The following NALF1 variants were observed in gnomAD, a reference collection of about 807,000 sequenced individuals.
The protein encoded by NALF1 is NALCN channel auxiliary factor 1, also known as family with sequence similarity 155 member A.
Under a neutral mutation model 48.4 loss-of-function variants are expected in NALF1, and 3 were observed. That is an observed-to-expected ratio of 0.06 (90% CI 0.03 to 0.16). The LOEUF (loss-of-function observed/expected upper bound fraction) is 0.16, where lower values mean the gene tolerates loss of function less well. Among genes scored for constraint, NALF1 ranks in the 10% least tolerant of loss-of-function variants. The pLI is 1.00. For missense variants in NALF1, 526 were observed against 571.5 expected (o/e 0.92, Z 0.81); for synonymous variants, 262 against 245.7 (o/e 1.07, Z -0.62).
intron 1 of NALF1, among the ~76,000 whole-genome samples, chr13:107,747,813 G>A (rs896090405): frequency 6.6e-6 from 1 of 152,160 alleles, no homozygotes; most frequent in Non-Finnish European, 1.5e-5. Flanking sequence ...AAGACTCCCT[G>A]TGATTGTAAA....
chr13:107,371,340 G>A lies in NALF1; in HGVS notation c.916-160585C>T, dbSNP rs1029581061. ...TGCATGCCTGTAGTCCCAGCTACTC[G>A]GGAGACGGAGGTAGAAGGATCGCTT... On this transcript the variant is annotated intron_variant, in intron 1 of 2. Transcript: ENST00000375915. 2.6e-5 allele frequency among the ~76,000 whole-genome samples: 4 copies of A among 152,110 alleles called. No individual in the cohort carries two copies. The South Asian group carries it at 6.2e-4, about 24-fold the overall frequency.
chr13:107,404,608 A>G (rs978419713), intron 1 of NALF1, among the ~76,000 whole-genome samples: 2 of 152,136 alleles, frequency 1.3e-5, no homozygotes, highest in Admixed American at 6.6e-5. Flanking sequence ...TGAACAATAC[A>G]CAGAGATGTC....
intron 1 of NALF1, among the ~76,000 whole-genome samples, chr13:107,760,742 C>T (rs1472137437): frequency 1.3e-5 from 2 of 152,144 alleles, no homozygotes; most frequent in Admixed American, 6.5e-5. Flanking sequence ...TGTTAGCATT[C>T]GGTAACAGGA....
intron 1 of NALF1, among the ~76,000 whole-genome samples, chr13:107,443,198 ATC>A (rs1884593761): frequency 1.3e-5 from 2 of 151,852 alleles, no homozygotes; most frequent in African/African-American, 4.8e-5. Flanking sequence ...CTATCTATCT[ATC>A]TATCTATCTA....
intron 1 of NALF1, among the ~76,000 whole-genome samples, chr13:107,460,138 ACTT>A (rs1884894653): frequency 6.6e-6 from 1 of 152,192 alleles, no homozygotes; most frequent in South Asian, 2.1e-4. Context: ...TGAAATGAAT[ACTT>A]CTTTATATCT....
At chr13:107,717,841 T>C (rs1875866939) in intron 1 of NALF1, among the ~76,000 whole-genome samples, 1 of 152,166 alleles carries the variant, frequency 6.6e-6, no homozygotes, top group South Asian at 2.1e-4. Flanking sequence ...GGCACAGAGA[T>C]GATTGGGATA....
intron 1 of NALF1, among the ~76,000 whole-genome samples, chr13:107,554,826 G>A (rs1360590474): frequency 6.6e-6 from 1 of 152,110 alleles, no homozygotes. Context: ...CTCCCATGGA[G>A]GGAAGGTTTT....
At chr13:107,693,292 G>T (rs1018527113) in intron 1 of NALF1, among the ~76,000 whole-genome samples, 1 of 145,552 alleles carries the variant, frequency 6.9e-6, no homozygotes, top group Non-Finnish European at 1.5e-5. Context: ...ATGGACACAG[G>T]GCGGGGAACA....
chr13:107,380,993 A>AG (rs1883428260), intron 1 of NALF1, among the ~76,000 whole-genome samples: 1 of 150,754 alleles, frequency 6.6e-6, no homozygotes, highest in South Asian at 2.1e-4. Flanking sequence ...AAAAAAAAAA[A>AG]AAGAATACAT....
intron 2 of NALF1, among the ~76,000 whole-genome samples, chr13:107,176,323 T>G (rs1878928343): frequency 1.3e-5 from 2 of 150,188 alleles, no homozygotes; most frequent in Non-Finnish European, 3.0e-5. Flanking sequence ...ACAGTTTTTT[T>G]TTTTTTTTTT....
At chr13:107,753,469 T>G (rs1290971449) in intron 1 of NALF1, among the ~76,000 whole-genome samples, 3 of 152,026 alleles carry the variant, frequency 2.0e-5, no homozygotes, top group Non-Finnish European at 4.4e-5. Context: ...AATAGTGTGT[T>G]TGGTCATAAC....
chr13:107,509,191 AT>A (rs1875801174), intron 1 of NALF1, among the ~76,000 whole-genome samples: 1 of 152,104 alleles, frequency 6.6e-6, no homozygotes, highest in African/African-American at 2.4e-5. Flanking sequence ...TTAGTAGTAT[AT>A]TTACATATTA....
intron 1 of NALF1, among the ~76,000 whole-genome samples, chr13:107,686,329 T>G (rs1249136125): frequency 3.9e-5 from 6 of 152,168 alleles, no homozygotes; most frequent in Admixed American, 1.3e-4. Flanking sequence ...CACAGTATAA[T>G]CAAGCAACTG....
chr13:107,422,628 G>A (rs1370617238), intron 1 of NALF1, among the ~76,000 whole-genome samples: 4 of 151,844 alleles, frequency 2.6e-5, no homozygotes, highest in African/African-American at 7.3e-5. Flanking sequence ...ATGGCTCCCC[G>A]CAAAAGCCAC....
intron 1 of NALF1, among the ~76,000 whole-genome samples, chr13:107,810,956 T>C (rs74112613): frequency 1.1e-4 from 17 of 152,298 alleles, no homozygotes; most frequent in African/African-American, 3.6e-4. Flanking sequence ...TGTGCAAACA[T>C]ACATTATTCA....
At chr13:107,839,111 A>C (rs1056364021) in intron 1 of NALF1, among the ~76,000 whole-genome samples, 5 of 152,000 alleles carry the variant, frequency 3.3e-5, no homozygotes, top group Admixed American at 1.3e-4. Flanking sequence ...TCCTAGAAAA[A>C]AATATATTTG....
chr13:107,518,441 G>T (rs1436991918), intron 1 of NALF1, among the ~76,000 whole-genome samples: 3 of 151,990 alleles, frequency 2.0e-5, no homozygotes, highest in African/African-American at 7.2e-5. Flanking sequence ...ACTAATACAT[G>T]TACTTAAAAA....
At chr13:107,249,702 C>T (rs939521296) in intron 1 of NALF1, among the ~76,000 whole-genome samples, 1 of 152,160 alleles carries the variant, frequency 6.6e-6, no homozygotes, top group Non-Finnish European at 1.5e-5. Flanking sequence ...TTCCTTCCTT[C>T]CCTCCAGCAT....
At chr13:107,653,424 C>A (rs4143870) in intron 1 of NALF1, among the ~76,000 whole-genome samples, 18,600 of 151,894 alleles carry the variant, frequency 0.12, 1,659 homozygotes, top group Admixed American at 0.21. Context: ...TTATTTTAGT[C>A]CCTAGTCATC....
Sources: allele counts gnomAD v4.1 joint callset (sites outside exome capture counted in the v4.1 genomes callset), GRCh38; gene constraint gnomAD v4.1.1; transcripts MANE v1.5; gene names NCBI Gene and HGNC (gene_info 2026-07-23, HGNC 2026-07-21).